Variants in VEPH1 observed in about 807,000 individuals in gnomAD.
VEPH1 encodes ventricular zone-expressed PH domain-containing protein homolog 1.
In VEPH1, 80 loss-of-function variants were observed where a neutral mutation model predicts 85.2. The observed-to-expected ratio is 0.94, with a 90% CI of 0.78 to 1.13. The LOEUF (loss-of-function observed/expected upper bound fraction) is 1.13, where lower values mean the gene tolerates loss of function less well. Ranked by LOEUF, VEPH1 falls within the 50% of genes most tolerant of loss-of-function variation. VEPH1 has a pLI of 0.00. For missense variants in VEPH1, 955 were observed against 980.5 expected (o/e 0.97, Z 0.35); for synonymous variants, 297 against 348.0 (o/e 0.85, Z 1.63).
chr3:157,460,532 GAGACCTAA>G (rs1043795275), intron 3 of VEPH1, among the ~76,000 whole-genome samples, 177 bp from the exon 4 acceptor site: 103 of 152,168 alleles, frequency 6.8e-4, no homozygotes, highest in African/African-American at 2.4e-3. Flanking sequence ...TTTTGTTTAA[GAGACCTAA>G]AGACAAACAG....
chr3:157,432,953 T>G (rs1284841715), intron 4 of VEPH1, among the ~76,000 whole-genome samples: 1 of 152,196 alleles, frequency 6.6e-6, no homozygotes, highest in African/African-American at 2.4e-5. Context: ...TGTCTTATGT[T>G]AAATTGTTGC....
intron 4 of VEPH1, among the ~76,000 whole-genome samples, chr3:157,449,622 A>G (rs1320783558): frequency 6.6e-6 from 1 of 152,110 alleles, no homozygotes; most frequent in Non-Finnish European, 1.5e-5. Flanking sequence ...CTCTCCCCCA[A>G]CAACTCCCAT....
intron 2 of VEPH1, among the ~76,000 whole-genome samples, chr3:157,489,531 G>T (rs532119102): frequency 6.6e-6 from 1 of 152,202 alleles, no homozygotes; most frequent in East Asian, 1.9e-4. Flanking sequence ...GTCAGCTTTT[G>T]TCTCAGTATG....
intron 4 of VEPH1, among the ~76,000 whole-genome samples, chr3:157,445,705 C>G (rs1411150213): frequency 1.3e-5 from 2 of 152,196 alleles, no homozygotes; most frequent in African/African-American, 4.8e-5. Flanking sequence ...AGGAGAATCT[C>G]TTGAACCCGG....
chr3:157,484,893 AT>A (rs1738480237), intron 2 of VEPH1, among the ~76,000 whole-genome samples: 1 of 152,200 alleles, frequency 6.6e-6, no homozygotes, highest in Non-Finnish European at 1.5e-5. Context: ...TTAATTGAGC[AT>A]ACTAGACTCT....
chr3:157,431,428 CTCTGA>C (rs1188805488), intron 4 of VEPH1, among the ~76,000 whole-genome samples: 2 of 152,166 alleles, frequency 1.3e-5, no homozygotes, highest in East Asian at 3.8e-4. Flanking sequence ...CATGGCATCT[CTCTGA>C]TCCCTGTTCC....
At chr3:157,404,513 A>G (rs1731011747) in intron 6 of VEPH1, among the ~76,000 whole-genome samples, 1 of 152,180 alleles carries the variant, frequency 6.6e-6, no homozygotes, top group African/African-American at 2.4e-5. Flanking sequence ...AGTGCAAATC[A>G]TTTATTTGAA....
chr3:157,478,912 T>C lies in VEPH1; in HGVS notation c.139-8383A>G, dbSNP rs574886942. On this transcript the variant is annotated intron_variant, in intron 2 of 13. Coordinates refer to ENST00000362010, the MANE Select transcript of VEPH1 (RefSeq NM_001167912.2). Reference sequence around the variant, plus strand: ...AGATTTTTCAACTTCAAAAATTTTATATCTTCAAATTCTGTACATGGCATG... The same window carrying C: ...AGATTTTTCAACTTCAAAAATTTTACATCTTCAAATTCTGTACATGGCATG... Among the ~76,000 whole-genome samples, 7 of 152,332 alleles carry C rather than the reference T, an allele frequency of 4.6e-5. No individual in the cohort carries two copies. The South Asian group carries it at 1.2e-3, about 27-fold the overall frequency.
chr3:157,366,736 A>AAACAAC (rs554197910), intron 7 of VEPH1, among the ~76,000 whole-genome samples: 8 of 152,068 alleles, frequency 5.3e-5, no homozygotes, highest in Admixed American at 4.6e-4. Flanking sequence ...ACTGTCTCAA[A>AAACAAC]AACAACAACA....
chr3:157,490,890 AG>A (rs1439143026), intron 2 of VEPH1, among the ~76,000 whole-genome samples: 3 of 152,236 alleles, frequency 2.0e-5, no homozygotes, highest in African/African-American at 7.2e-5. Context: ...AACCAAAAAA[AG>A]AATGGATACA....
intron 9 of VEPH1, among the ~76,000 whole-genome samples, chr3:157,358,931 A>G (rs113173014): frequency 0.012 from 1,902 of 152,176 alleles, 55 homozygotes; most frequent in African/African-American, 0.044. Context: ...GTGAGTCAGA[A>G]GTTGCAGTGA....
Position 157,335,648 on chromosome 3 carries a change from A to G in VEPH1, c.1736-18447T>C, listed in dbSNP as rs189062247. On this transcript the variant is annotated intron_variant, in intron 9 of 13. Coordinates refer to ENST00000362010, the MANE Select transcript of VEPH1 (RefSeq NM_001167912.2). ...TAGGATCTGAATATAAATAGTGTCT[A>G]GTGTGGGACAGAAGAAGGAATAGAG... Among the ~76,000 whole-genome samples, 147 of 152,350 alleles carry G rather than the reference A, an allele frequency of 9.6e-4. 1 individual carries two copies. The highest frequency in any genetic ancestry group is 3.4e-3 in the African/African-American group (142 of 41,584).
chr3:157,375,126 A>G (rs968865891), intron 7 of VEPH1, among the ~76,000 whole-genome samples: 1 of 152,230 alleles, frequency 6.6e-6, no homozygotes, highest in African/African-American at 2.4e-5. Context: ...ATGCATATGA[A>G]AAGACTTTTT....
intron 11 of VEPH1, among the ~76,000 whole-genome samples, chr3:157,292,898 G>T (rs990918319): frequency 6.7e-6 from 1 of 148,976 alleles, no homozygotes; most frequent in Non-Finnish European, 1.5e-5. Context: ...CAGGAGAATC[G>T]CTTGAGCCCA....
At chr3:157,411,804 A>C (rs755789057) in intron 6 of VEPH1, among the ~76,000 whole-genome samples, 12 of 152,120 alleles carry the variant, frequency 7.9e-5, no homozygotes, top group Non-Finnish European at 1.8e-4. Context: ...ATTTAGATCC[A>C]CCTCTCCTTC....
intron 2 of VEPH1, among the ~76,000 whole-genome samples, chr3:157,475,591 C>T (rs983868442): frequency 2.0e-5 from 3 of 152,146 alleles, no homozygotes; most frequent in African/African-American, 7.2e-5. Context: ...GTGACCCGGA[C>T]CCCTGTGTCA....
At chr3:157,272,395 CTT>C (rs1714786387) in intron 12 of VEPH1, among the ~76,000 whole-genome samples, 1 of 132,024 alleles carries the variant, frequency 7.6e-6, no homozygotes, top group African/African-American at 2.9e-5. Context: ...TTCTTTCTTT[CTT>C]TCTTTCTTTC....
intron 11 of VEPH1, among the ~76,000 whole-genome samples, chr3:157,303,015 T>C (rs1719006317): frequency 6.6e-6 from 1 of 152,234 alleles, no homozygotes; most frequent in African/African-American, 2.4e-5. Flanking sequence ...TGTAAAATAA[T>C]GTATGTATAT....
intron 4 of VEPH1, chr3:157,437,842 G>C: frequency 1.3e-6 from 2 of 1,496,454 alleles, no homozygotes; most frequent in Non-Finnish European, 1.8e-6. Context: ...CGCGGTGCTA[G>C]AGGAGCTGCG....
Sources: allele counts gnomAD v4.1 joint callset (sites outside exome capture counted in the v4.1 genomes callset), GRCh38; gene constraint gnomAD v4.1.1; transcripts MANE v1.5; gene names NCBI Gene and HGNC (gene_info 2026-07-23, HGNC 2026-07-21).